Variants in YPEL1 observed in about 807,000 individuals in gnomAD.
YPEL1 encodes the protein yippee like 1.
YPEL1 carries 7 observed loss-of-function variants against 17.3 expected under a neutral mutation model. The ratio of observed to expected loss-of-function variants is 0.40; its 90% CI spans 0.23 to 0.76. YPEL1 has a LOEUF of 0.76. YPEL1 is among the 30% of genes least tolerant of loss of function. The pLI, the probability that YPEL1 is intolerant of heterozygous loss-of-function variation, is 0.35. For synonymous variants in YPEL1, 59 were observed against 59.6 expected, an observed-to-expected ratio of 0.99 and a Z score of 0.05; for missense variants, 91 against 155.5, an observed-to-expected ratio of 0.59 and a Z score of 2.21.
rs3747094 is a variant in YPEL1, at chr22:21,699,591, A to G, written c.*1538T>C. On this transcript the variant is annotated 3_prime_UTR_variant, in exon 5 of 5. Coordinates refer to ENST00000339468, the MANE Select transcript of YPEL1 (RefSeq NM_013313.5). ...GGGACAGCACCACGCAGGGACGGGC[A>G]ACGCGTCTAGCAGGCCAGGCGTCTT... 50,568 of 152,308 alleles carry G rather than the reference A, an allele frequency of 0.33. 8,633 individuals are homozygous for G. The highest frequency in any genetic ancestry group is 0.38 in the Non-Finnish European group (25,895 of 67,874). The allele number at this position is 152,308 out of a possible 1,614,324, so 9.4% of individuals were successfully genotyped here. A position where few individuals can be genotyped will look rare whatever the true frequency, so the allele number is the denominator to read the frequency against.
chr22:21,702,970 C>G (rs896890781), intron 4 of YPEL1, among the ~76,000 whole-genome samples: 1 of 152,152 alleles, frequency 6.6e-6, no homozygotes, highest in African/African-American at 2.4e-5. Flanking sequence ...GTCTCTGACT[C>G]CAGCAGGTCT....
intron 1 of YPEL1, among the ~76,000 whole-genome samples, chr22:21,734,945 C>A (rs377051339): frequency 3.3e-5 from 5 of 152,258 alleles, no homozygotes. Flanking sequence ...ACAGAAAAAG[C>A]GTGGGGCGGG....
Position 21,697,538 on chromosome 22 carries a change from T to G in YPEL1, c.*3591A>C, listed in dbSNP as rs1344718750. 1 of 156,406 alleles carries G rather than the reference T, an allele frequency of 6.4e-6. No individual in the cohort carries two copies. The highest frequency in any genetic ancestry group is 2.4e-5 in the African/African-American group (1 of 41,448). The allele number at this position is 156,406 out of a possible 1,614,324, so 9.7% of individuals were successfully genotyped here. On this transcript the variant is annotated 3_prime_UTR_variant, in exon 5 of 5. Coordinates refer to ENST00000339468, the MANE Select transcript of YPEL1 (RefSeq NM_013313.5). ...GGCCTCGTCCACTGAGGGCACGATT[T>G]AAACATTTGACATCAGAAGCTTTAT... is the stretch of plus-strand genomic sequence containing the variant.
chr22:21,722,725 G>A (rs896710070), intron 1 of YPEL1, among the ~76,000 whole-genome samples: 61 of 152,110 alleles, frequency 4.0e-4, no homozygotes, highest in Admixed American at 3.0e-3. Context: ...GGGAGAAAAC[G>A]CAAGCCCCCA....
At chr22:21,715,447 T>C (rs1042248089) in intron 1 of YPEL1, among the ~76,000 whole-genome samples, 27 of 151,090 alleles carry the variant, frequency 1.8e-4, no homozygotes, top group Admixed American at 1.8e-3. Flanking sequence ...TGAGCCGAGA[T>C]TGCACCACTG....
At chr22:21,704,427 TG>T (rs2068097329) in intron 2 of YPEL1, among the ~76,000 whole-genome samples, 1 of 152,094 alleles carries the variant, frequency 6.6e-6, no homozygotes, top group Non-Finnish European at 1.5e-5. Flanking sequence ...AAGGCTGAGG[TG>T]GGCAGATCAC....
At chr22:21,708,007 C>T (rs1401066128) in intron 2 of YPEL1, among the ~76,000 whole-genome samples, 1 of 152,148 alleles carries the variant, frequency 6.6e-6, no homozygotes, top group Non-Finnish European at 1.5e-5. Flanking sequence ...GCAACAGGCT[C>T]CCTCGAGCCA....
intron 4 of YPEL1, 37 bp from the exon 5 acceptor site, chr22:21,701,255 G>C (rs1471148492): frequency 3.2e-6 from 5 of 1,552,408 alleles, no homozygotes; most frequent in Non-Finnish European, 4.4e-6. Flanking sequence ...AGGACAGAAG[G>C]TTTCACTTTT....
intron 1 of YPEL1, among the ~76,000 whole-genome samples, chr22:21,724,861 T>C (rs999301257): frequency 3.9e-5 from 6 of 152,078 alleles, no homozygotes; most frequent in African/African-American, 1.2e-4. Flanking sequence ...ATTAGAGGCA[T>C]GAACCATTGC....
At position 21,703,828 on chromosome 22, in the gene YPEL1, AG is replaced by A. The variant is rs753079769; in HGVS notation, c.161+10del. The A allele has an allele frequency of 9.9e-6, 16 of 1,609,024 alleles. No individual in the cohort carries two copies. The highest frequency in any genetic ancestry group is 1.4e-5 in the Non-Finnish European group (16 of 1,177,774). On this transcript the variant is annotated intron_variant, in intron 3 of 4. Coordinates refer to ENST00000339468, the MANE Select transcript of YPEL1 (RefSeq NM_013313.5). This position sits in a 1 kb window ranked among gnomAD's most constrained non-coding sequence, Gnocchi z 6.1. ...CGTGCCGCTCCCCCCGGGCTGAACC[AG>A]GGTACTCACACGGAATTGAAGAGGT...
At chr22:21,730,420 A>G (rs2068376195) in intron 1 of YPEL1, among the ~76,000 whole-genome samples, 1 of 152,082 alleles carries the variant, frequency 6.6e-6, no homozygotes, top group African/African-American at 2.4e-5. Context: ...ATGGGGTTTC[A>G]CCATGTTGGC....
intron 1 of YPEL1, among the ~76,000 whole-genome samples, chr22:21,730,139 G>A (rs1197419099): frequency 6.6e-6 from 1 of 152,034 alleles, no homozygotes; most frequent in Non-Finnish European, 1.5e-5. Context: ...GCAACAGAGC[G>A]AGACTCCTTC....
intron 2 of YPEL1, chr22:21,704,254 TC>T: frequency 1.4e-6 from 1 of 705,552 alleles, no homozygotes; most frequent in South Asian, 1.5e-5. Context: ...CCACAGATCC[TC>T]AAAATGCTCT....
At chr22:21,714,624 G>A (rs549649796) in intron 1 of YPEL1, among the ~76,000 whole-genome samples, 33 of 152,156 alleles carry the variant, frequency 2.2e-4, no homozygotes, top group Non-Finnish European at 3.2e-4. Flanking sequence ...CTCCTGAGCC[G>A]CACAGGCAGG....
chr22:21,734,054 CA>C (rs892379625), intron 1 of YPEL1, among the ~76,000 whole-genome samples: 3 of 150,948 alleles, frequency 2.0e-5, no homozygotes, highest in Non-Finnish European at 3.0e-5. Flanking sequence ...CCAGTCTCTA[CA>C]AAAAAAAATG....
At chr22:21,705,029 C>T (rs1412095258) in intron 2 of YPEL1, among the ~76,000 whole-genome samples, 1 of 152,130 alleles carries the variant, frequency 6.6e-6, no homozygotes, top group Non-Finnish European at 1.5e-5. Context: ...GCAGTGGCAC[C>T]ATCTGGACTC....
At chr22:21,706,441 A>G (rs1444552527) in intron 2 of YPEL1, among the ~76,000 whole-genome samples, 1 of 151,996 alleles carries the variant, frequency 6.6e-6, no homozygotes, top group African/African-American at 2.4e-5. Context: ...TCTCACAAAA[A>G]AAAAAAAAAG....
chr22:21,717,778 T>C (rs1001430753), intron 1 of YPEL1, among the ~76,000 whole-genome samples: 2 of 152,204 alleles, frequency 1.3e-5, no homozygotes, highest in African/African-American at 4.8e-5. Flanking sequence ...ATTATGATTC[T>C]GAAAGATAAT....
intron 1 of YPEL1, among the ~76,000 whole-genome samples, chr22:21,728,470 C>T (rs1015842553): frequency 1.3e-5 from 2 of 152,172 alleles, no homozygotes; most frequent in Admixed American, 1.3e-4. Flanking sequence ...ATACAAGAAT[C>T]GCACGATTAA....
Sources: allele counts gnomAD v4.1 joint callset (sites outside exome capture counted in the v4.1 genomes callset), GRCh38; gene constraint gnomAD v4.1.1; non-coding constraint Gnocchi (gnomAD v3.1); transcripts MANE v1.5; gene names NCBI Gene and HGNC (gene_info 2026-07-23, HGNC 2026-07-21).